RAP1GAP: variants seen among roughly 807,000 people sequenced by gnomAD.
RAP1GAP encodes the protein RAP1 GTPase activating protein, also known as rap1 GTPase-activating protein 1.
In RAP1GAP, 35 loss-of-function variants were observed where a neutral mutation model predicts 87.2. The ratio of observed to expected loss-of-function variants is 0.40; its 90% confidence interval spans 0.31 to 0.53. The LOEUF (loss-of-function observed/expected upper bound fraction) is 0.53. RAP1GAP is among the 20% of genes least tolerant of loss of function. The pLI is 0.48. For missense variants in RAP1GAP, 734 were observed against 898.9 expected, an observed-to-expected ratio of 0.82 and a Z score of 2.35; for synonymous variants, 375 against 363.9, an observed-to-expected ratio of 1.03 and a Z score of -0.35.
chr1:21,640,135 A>T (rs2151305431), intron 2 of RAP1GAP, among the ~76,000 whole-genome samples: 1 of 146,696 alleles, frequency 6.8e-6, no homozygotes, highest in East Asian at 2.1e-4. Flanking sequence ...CGCTCCTCAA[A>T]CCCGAGGTGC....
rs550961863 is a variant in RAP1GAP, at chr1:21,596,622, C to T, written c.*677G>A. 2 of 152,464 alleles carry T rather than the reference C, an allele frequency of 1.3e-5. No homozygotes were observed. The highest frequency in any genetic ancestry group is 4.1e-4 in the South Asian group (2 of 4,836). 9.4% of individuals were successfully genotyped at this position (152,464 alleles called of 1,614,324 possible). On this transcript the variant is annotated 3_prime_UTR_variant, in exon 25 of 25. Transcript: ENST00000374765. Reference sequence around the variant, plus strand: ...GAGGCATACTGGGCACAGCCGGCTCCCTGCCCCTCAGCCCACCTGGGGCTC... The same window carrying T: ...GAGGCATACTGGGCACAGCCGGCTCTCTGCCCCTCAGCCCACCTGGGGCTC...
rs917030286 is a variant in RAP1GAP at position 21,615,560 on chromosome 1, T to C, written c.292-1471A>G. On this transcript the variant is annotated intron_variant, in intron 7 of 24. Coordinates refer to ENST00000374765, the MANE Select transcript of RAP1GAP (RefSeq NM_002885.4). The surrounding 1 kb of genome is among the most constrained non-coding windows in gnomAD (Gnocchi z 4.5). Reference sequence around the variant, plus strand: ...GCGCCCAGCACCACACCTGGCTAATTTTTGTATTTTTGTTAGAGATGGGGT... The same window carrying C: ...GCGCCCAGCACCACACCTGGCTAATCTTTGTATTTTTGTTAGAGATGGGGT... Among the ~76,000 whole-genome samples the C allele has an allele frequency of 6.6e-6, 1 of 151,978 alleles. No individual in the cohort carries two copies. The highest frequency in any genetic ancestry group is 2.4e-5 in the African/African-American group (1 of 41,366).
intron 2 of RAP1GAP, among the ~76,000 whole-genome samples, chr1:21,644,900 C>CAAAAAAAAA (rs34783815): frequency 1.7e-5 from 2 of 114,546 alleles, no homozygotes; most frequent in African/African-American, 6.9e-5. Flanking sequence ...GACCCTGTCT[C>CAAAAAAAAA]AAAAAAAAAA....
rs1328889212 is a variant in RAP1GAP, at chr1:21,602,898, C to A, written c.1444G>T (p.Gly482Trp). Residue 482 changes from glycine (G) to tryptophan (W), a missense_variant, in exon 19 of 25, where the codon GGG becomes TGG. Around this residue, in one of 2 missense-constraint regions of RAP1GAP, gnomAD observed 249 missense variants for 252.7 expected, o/e 0.99. Transcript: ENST00000374765. Reference sequence around the variant, plus strand: ...GACTTCTTCCTCGTGGGGCTCTTCCCAGGGACAATCAGTGACTGTGGGGAG... The same window carrying A: ...GACTTCTTCCTCGTGGGGCTCTTCCAAGGGACAATCAGTGACTGTGGGGAG... ...KAAGISLIVPGKSPTRKKSGP... is the reference protein window; with the variant it reads ...KAAGISLIVPWKSPTRKKSGP... 6.2e-7 allele frequency: 1 copy of A among 1,609,958 alleles called. No individual in the cohort carries two copies. Among genetic ancestry groups the A allele is most frequent in the South Asian group, 1.1e-5 (1 of 91,002 alleles).
At chr1:21,608,710 C>G (rs2076370951) in intron 16 of RAP1GAP, 140 bp downstream of exon 16, 4 of 832,318 alleles carry the variant, frequency 4.8e-6, no homozygotes, top group Non-Finnish European at 5.9e-6. Context: ...ACCTCCTACT[C>G]GTCCATCAAT....
At chr1:21,652,700 T>C (rs2096664029) in intron 1 of RAP1GAP, among the ~76,000 whole-genome samples, 2 of 152,022 alleles carry the variant, frequency 1.3e-5, no homozygotes, top group South Asian at 4.2e-4. Context: ...TCCAAGTCGC[T>C]CTTCTGCACC....
At position 21,608,933 on chromosome 1, in the gene RAP1GAP, G is replaced by T; in HGVS notation, c.1075C>A (p.Pro359Thr). 6.2e-7 allele frequency: 1 copy of T among 1,612,608 alleles called. No individual in the cohort carries two copies. ...LPDPAVFRKG[P>T]EFQEFLLTKL... ...GTCAGCAAAAATTCCTGGAACTCAG[G>T]CCCCTGGAAACTCCCAGTGTGGAGG... Residue 359 changes from proline to threonine, a missense_variant, in exon 16 of 25, where the codon CCT (proline) becomes ACT (threonine). Pro to Thr is a conservative substitution (Grantham distance 38). Around this residue, in one of 2 missense-constraint regions of RAP1GAP, gnomAD observed 485 missense variants for 646.2 expected, o/e 0.75. Coordinates refer to ENST00000374765, the MANE Select transcript of RAP1GAP (RefSeq NM_002885.4).
At chr1:21,605,469 G>T (rs542028682) in intron 18 of RAP1GAP, among the ~76,000 whole-genome samples, 3 of 152,314 alleles carry the variant, frequency 2.0e-5, no homozygotes, top group African/African-American at 7.2e-5. Context: ...ACACACAGTA[G>T]GTTCTCACAC....
rs368188712 is a variant in RAP1GAP, at chr1:21,613,278, G to A, written c.475-49C>T. The A allele has an allele frequency of 3.3e-6, 5 of 1,493,468 alleles. No homozygotes were observed. The highest frequency in any genetic ancestry group is 9.3e-7 in the Non-Finnish European group (1 of 1,070,786). 92.5% of individuals were successfully genotyped at this position (1,493,468 alleles called of 1,614,324 possible). On this transcript the variant is annotated intron_variant, in intron 9 of 24. Transcript: ENST00000374765. The surrounding 1 kb of genome is among the most constrained non-coding windows in gnomAD (Gnocchi z 4.7). ...GTGTGAGGTGTGGGGCCAGGGAGGA[G>A]AGGATGGGGCTGCCTGGGCCTCCCT...
intron 20 of RAP1GAP, among the ~76,000 whole-genome samples, chr1:21,600,884 C>CGAAAAAAAAAA (rs2067724342): frequency 1.9e-5 from 1 of 53,052 alleles, no homozygotes; most frequent in African/African-American, 9.4e-5. Flanking sequence ...GACTCTGTCT[C>CGAAAAAAAAAA]AAAAAAAAAA....
Position 21,602,844 on chromosome 1 carries a change from C to T in RAP1GAP, c.1498G>A (p.Ala500Thr), listed in dbSNP as rs376776052. 1.9e-6 allele frequency: 3 copies of T among 1,610,838 alleles called. No homozygotes were observed. The highest frequency in any genetic ancestry group is 1.3e-5 in the African/African-American group (1 of 74,930). Residue 500 changes from alanine (A) to threonine (T), a missense_variant, in exon 19 of 25, where the codon GCC (alanine) becomes ACC (threonine). This residue lies in a region of RAP1GAP where 249 missense variants were observed against 252.7 expected (regional missense o/e 0.99). Coordinates refer to ENST00000374765, the MANE Select transcript of RAP1GAP (RefSeq NM_002885.4). ...SGPFGSRRSS[A>T]IGIENIQEVQ... ...TCCTGTATGTTCTCGATGCCAATGGCGCTGCTGCGGCGGGAGCCGAACGGG... is the reference window on the plus strand; with the variant it reads ...TCCTGTATGTTCTCGATGCCAATGGTGCTGCTGCGGCGGGAGCCGAACGGG...
chr1:21,611,695 T>C, intron 12 of RAP1GAP, 21 bp downstream of exon 12: 1 of 1,612,260 alleles, frequency 6.2e-7, no homozygotes. Flanking sequence ...TACACTCTGC[T>C]CAGCCCACCC....
At chr1:21,666,457 G>A (rs1039371554) in intron 1 of RAP1GAP, among the ~76,000 whole-genome samples, 3 of 152,212 alleles carry the variant, frequency 2.0e-5, no homozygotes, top group African/African-American at 7.2e-5. Context: ...AGACAGCAAA[G>A]GAGCAGCCTG....
rs138364177 is a variant in RAP1GAP, at chr1:21,665,158, T to C, written c.-149+4096A>G. On this transcript the variant is annotated intron_variant, in intron 1 of 24. Transcript: ENST00000374765. ...AAACATACTCATCAGGCAAGTGCTATGATTCCCACTTCCTAGATCAAGAAA... is the reference window on the plus strand; with the variant it reads ...AAACATACTCATCAGGCAAGTGCTACGATTCCCACTTCCTAGATCAAGAAA... The C allele has an allele frequency of 1.5e-4, 68 of 442,402 alleles. 1 individual carries two copies. The East Asian group carries it at 4.0e-3, about 26-fold the overall frequency. The allele number at this position is 442,402 out of a possible 1,614,324, so 27.4% of individuals were successfully genotyped here.
At chr1:21,617,783 G>T in intron 6 of RAP1GAP, 151 bp downstream of exon 6, 1 of 1,120,222 alleles carries the variant, frequency 8.9e-7, no homozygotes, top group Non-Finnish European at 1.3e-6. Flanking sequence ...GTTCAAATGG[G>T]CTCTGAGGCC....
chr1:21,614,581 G>A (rs1297036801), intron 7 of RAP1GAP, among the ~76,000 whole-genome samples: 1 of 152,220 alleles, frequency 6.6e-6, no homozygotes, highest in Non-Finnish European at 1.5e-5. Context: ...ATGAGAAACA[G>A]GAAGCGAAAC....
At chr1:21,658,941 C>CTTTT (rs35740242) in intron 1 of RAP1GAP, among the ~76,000 whole-genome samples, 48 of 132,392 alleles carry the variant, frequency 3.6e-4, no homozygotes, top group South Asian at 1.2e-3. Flanking sequence ...ATGAAGAACG[C>CTTTT]TTTTTTTTTT....
At position 21,617,937 on chromosome 1, in the gene RAP1GAP, G is replaced by T; in HGVS notation, c.102C>A (p.His34Gln). The change falls in exon 6 of 25, where the codon CAC (histidine) becomes CAA (glutamine). Residue 34 changes from histidine (H) to glutamine (Q), a missense_variant. Physicochemically the swap from His to Gln is conservative, Grantham distance 24. Around this residue, in one of 2 missense-constraint regions of RAP1GAP, gnomAD observed 485 missense variants for 646.2 expected, o/e 0.75. Coordinates refer to ENST00000374765, the MANE Select transcript of RAP1GAP (RefSeq NM_002885.4). ...EEDYIPYPSV[H>Q]EVLGREGPFP... ...GCGCGGGGTTCTAGCTGAGTACCTC[G>T]TGCACGCTCGGGTATGGAATGTAGT... 6.2e-7 allele frequency: 1 copy of T among 1,614,102 alleles called. No homozygotes were observed. Among genetic ancestry groups the T allele is most frequent in the South Asian group, 1.1e-5 (1 of 91,084 alleles).
rs1165287677 is a variant in RAP1GAP at position 21,626,412 on chromosome 1, G to A, written c.-112-15C>T. On this transcript the variant is annotated splice_polypyrimidine_tract_variant and intron_variant, in intron 2 of 24. Coordinates refer to ENST00000374765, the MANE Select transcript of RAP1GAP (RefSeq NM_002885.4). ...CATCGCTCCTCCTGGAAGAGAAAGA[G>A]TCTGAGGTCAGGGAGAGCCCCAAGC... 1.3e-6 allele frequency: 2 copies of A among 1,599,978 alleles called. No homozygotes were observed. The highest frequency in any genetic ancestry group is 2.2e-5 in the East Asian group (1 of 44,814).
Sources: gnomAD v4.1 joint callset for allele counts (sites outside exome capture counted in the v4.1 genomes callset) on GRCh38, gnomAD v4.1.1 for gene constraint, gnomAD v4.1.1 regional missense constraint, Gnocchi (gnomAD v3.1) non-coding constraint, MANE v1.5 for transcripts, NCBI Gene and HGNC (gene_info 2026-07-23, HGNC 2026-07-21) for gene names.